NRG1: variants seen among roughly 807,000 people sequenced by gnomAD.
NRG1 encodes the protein pro-neuregulin-1, membrane-bound isoform.
A neutral mutation model predicts 63.8 loss-of-function variants in NRG1; 18 were observed. That is an observed-to-expected ratio of 0.28 (90% CI 0.19 to 0.42). The LOEUF (loss-of-function observed/expected upper bound fraction) is 0.42, where lower values mean the gene tolerates loss of function less well. Among genes scored for constraint, NRG1 ranks in the 10% least tolerant of loss-of-function variants. The pLI is 1.00. For missense variants in NRG1, 762 were observed against 814.7 expected (o/e 0.94, Z 0.79); for synonymous variants, 302 against 301.3 (o/e 1.00, Z -0.02).
intron 1 of NRG1, among the ~76,000 whole-genome samples, chr8:32,078,170 C>T (rs915424165): frequency 5.3e-5 from 8 of 152,276 alleles, no homozygotes; most frequent in African/African-American, 1.9e-4. Context: ...GGAGGTGGGG[C>T]CTCACTGGAG....
At chr8:31,973,337 A>G (rs1807611262) in intron 1 of NRG1, among the ~76,000 whole-genome samples, 1 of 152,194 alleles carries the variant, frequency 6.6e-6, no homozygotes, top group Non-Finnish European at 1.5e-5. Context: ...CTCTAGATGA[A>G]AAGGTTCTAA....
chr8:32,463,947 T>C (rs1238237735), intron 1 of NRG1, among the ~76,000 whole-genome samples: 1 of 125,858 alleles, frequency 7.9e-6, no homozygotes, highest in Non-Finnish European at 1.6e-5. Flanking sequence ...CAGGCTGGAG[T>C]GCAGTGGCGA....
At position 32,331,972 on chromosome 8, in the gene NRG1, T is replaced by A. The variant is rs528895357; in HGVS notation, c.38-263856T>A. 2.2e-4 allele frequency among the ~76,000 whole-genome samples: 33 copies of A among 152,182 alleles called. 1 individual carries two copies. The East Asian group carries it at 5.8e-3, about 27-fold the overall frequency. On this transcript the variant is annotated intron_variant, in intron 1 of 10. Coordinates refer to the NRG1 transcript ENST00000519301. ...GAGAAGGATGAAGGGAAGTTTTTTT[T>A]AATGCAGTAAAGGATAAAGAAGGAT...
chr8:32,298,742 A>T (rs1458164442), intron 1 of NRG1, among the ~76,000 whole-genome samples: 7 of 147,796 alleles, frequency 4.7e-5, no homozygotes, highest in Non-Finnish European at 9.1e-5. Context: ...AAAAGAAAAG[A>T]AAAAGATCGG....
intron 1 of NRG1, among the ~76,000 whole-genome samples, chr8:32,558,614 A>G (rs547749730): frequency 6.6e-6 from 1 of 152,302 alleles, no homozygotes; most frequent in Non-Finnish European, 1.5e-5. Context: ...ACAGGACTCT[A>G]TGAAAGAGGC....
At chr8:31,812,840 G>A (rs1477581917) in intron 1 of NRG1, among the ~76,000 whole-genome samples, 1 of 152,140 alleles carries the variant, frequency 6.6e-6, no homozygotes, top group African/African-American at 2.4e-5. Flanking sequence ...CATTAAATTG[G>A]AACTAGCAAT....
chr8:32,342,757 G>A (rs1306888346), intron 1 of NRG1, among the ~76,000 whole-genome samples: 2 of 152,112 alleles, frequency 1.3e-5, no homozygotes, highest in African/African-American at 4.8e-5. Flanking sequence ...AAGTAGATTT[G>A]TCTTTTCTAA....
chr8:32,669,215 G>GA (rs768678105), intron 5 of NRG1, among the ~76,000 whole-genome samples: 1 of 152,052 alleles, frequency 6.6e-6, no homozygotes, highest in African/African-American at 2.4e-5. Context: ...AAATTATGGA[G>GA]AAAAAATGCA....
In NRG1 at chr8:32,105,974, T is replaced by C. The variant is rs569936829; in HGVS notation, c.37+466543T>C. 6.6e-5 allele frequency among the ~76,000 whole-genome samples: 10 copies of C among 152,316 alleles called. No homozygotes were observed. The South Asian group carries it at 1.2e-3, about 19-fold the overall frequency. ...ATCTGGAAACTTAATGTTATCCCACTATAGAGAGCCATTCTTGATGTGCCA... is the reference window on the plus strand; with the variant it reads ...ATCTGGAAACTTAATGTTATCCCACCATAGAGAGCCATTCTTGATGTGCCA... On this transcript the variant is annotated intron_variant, in intron 1 of 10. Transcript: ENST00000519301.
At chr8:32,613,426 T>C (rs1846726871) in intron 3 of NRG1, among the ~76,000 whole-genome samples, 1 of 152,056 alleles carries the variant, frequency 6.6e-6, no homozygotes, top group Non-Finnish European at 1.5e-5. Flanking sequence ...CTTAAATTGA[T>C]TCTGCTTACC....
intron 1 of NRG1, among the ~76,000 whole-genome samples, chr8:31,887,933 T>C (rs979656044): frequency 1.3e-5 from 2 of 151,824 alleles, no homozygotes; most frequent in African/African-American, 4.8e-5. Flanking sequence ...TATTTGTGTT[T>C]ATTCAAAAAT....
intron 1 of NRG1, among the ~76,000 whole-genome samples, chr8:31,940,693 G>T (rs73582437): frequency 0.037 from 5,674 of 151,960 alleles, 368 homozygotes; most frequent in African/African-American, 0.13. Flanking sequence ...CCAAATAATC[G>T]TAATTAGAAA....
At chr8:31,991,684 G>T (rs959200690) in intron 1 of NRG1, among the ~76,000 whole-genome samples, 4 of 151,956 alleles carry the variant, frequency 2.6e-5, no homozygotes, top group African/African-American at 9.7e-5. Flanking sequence ...TCCTGTGGGT[G>T]TGTATCAAGT....
At chr8:32,344,370 C>CAT in intron 1 of NRG1, among the ~76,000 whole-genome samples, 1 of 46,254 alleles carries the variant, frequency 2.2e-5, no homozygotes, top group Non-Finnish European at 4.7e-5. Context: ...TTCTTTCTTT[C>CAT]TTTCTTTCTT....
intron 1 of NRG1, among the ~76,000 whole-genome samples, chr8:32,060,671 T>A (rs1823698424): frequency 6.6e-6 from 1 of 152,018 alleles, no homozygotes; most frequent in South Asian, 2.1e-4. Context: ...GAACAACATA[T>A]GTAGCTGTTT....
chr8:32,533,977 C>T (rs1831709825), intron 1 of NRG1, among the ~76,000 whole-genome samples: 1 of 151,924 alleles, frequency 6.6e-6, no homozygotes, highest in Non-Finnish European at 1.5e-5. Context: ...CTAGACATTT[C>T]TATAAGAAAT....
At chr8:32,259,962 T>A (rs1850181278) in intron 1 of NRG1, among the ~76,000 whole-genome samples, 1 of 152,190 alleles carries the variant, frequency 6.6e-6, no homozygotes, top group Admixed American at 6.5e-5. Context: ...GGGACTTGGC[T>A]GTCAACCGAA....
At chr8:32,334,585 G>A (rs1318315161) in intron 1 of NRG1, among the ~76,000 whole-genome samples, 2 of 152,178 alleles carry the variant, frequency 1.3e-5, no homozygotes, top group African/African-American at 4.8e-5. Context: ...GAGCCTTTAG[G>A]CATGTAAGAT....
intron 1 of NRG1, among the ~76,000 whole-genome samples, chr8:31,777,094 G>T (rs1819222803): frequency 6.6e-6 from 1 of 152,044 alleles, no homozygotes; most frequent in African/African-American, 2.4e-5. Flanking sequence ...TCCTTTAATT[G>T]CCCTTATGAG....
Sources: gnomAD v4.1 joint callset for allele counts (sites outside exome capture counted in the v4.1 genomes callset) on GRCh38, gnomAD v4.1.1 for gene constraint, MANE v1.5 for transcripts, NCBI Gene and HGNC (gene_info 2026-07-23, HGNC 2026-07-21) for gene names.